NTM: variants seen among roughly 807,000 people sequenced by gnomAD.
NTM encodes IgLON family member 2.
In NTM, 13 loss-of-function variants were observed where a neutral mutation model predicts 42.1. That is an observed-to-expected ratio of 0.31 (90% CI 0.20 to 0.49). The LOEUF is 0.49. Among genes scored for constraint, NTM ranks in the 20% least tolerant of loss-of-function variants. The pLI is 0.99. For missense variants in NTM, 373 were observed against 452.8 expected (o/e 0.82, Z 1.60); for synonymous variants, 187 against 179.2 (o/e 1.04, Z -0.35).
intron 3 of NTM, among the ~76,000 whole-genome samples, chr11:132,189,682 C>A (rs376469829): frequency 6.6e-6 from 1 of 151,028 alleles, no homozygotes; most frequent in Non-Finnish European, 1.5e-5. Flanking sequence ...ACACACGATA[C>A]TTGAGTGCCT....
At chr11:132,325,780 A>G (rs147411190) in intron 7 of NTM, among the ~76,000 whole-genome samples, 1,743 of 152,338 alleles carry the variant, frequency 0.011, 30 homozygotes, top group African/African-American at 0.039. Context: ...ATTTCCAACA[A>G]CAATAGACTG....
At chr11:132,112,262 G>A (rs529118440) in intron 2 of NTM, among the ~76,000 whole-genome samples, 18 of 152,208 alleles carry the variant, frequency 1.2e-4, no homozygotes, top group African/African-American at 4.3e-4. Context: ...CCACTATAAG[G>A]CATTGAATGG....
intron 1 of NTM, among the ~76,000 whole-genome samples, chr11:131,439,608 G>T (rs1425359960): frequency 6.6e-6 from 1 of 152,350 alleles, no homozygotes; most frequent in Admixed American, 6.5e-5. Context: ...CATGGGACCG[G>T]CCTAGTCATG....
At chr11:131,983,907 A>T (rs756470508) in intron 2 of NTM, among the ~76,000 whole-genome samples, 1 of 152,230 alleles carries the variant, frequency 6.6e-6, no homozygotes, top group Non-Finnish European at 1.5e-5. Flanking sequence ...AGAGGACAGA[A>T]TATAGAAGAA....
intron 2 of NTM, among the ~76,000 whole-genome samples, chr11:131,930,776 A>C (rs944282459): frequency 1.3e-5 from 2 of 152,212 alleles, no homozygotes; most frequent in Non-Finnish European, 2.9e-5. Context: ...CTTCCCTCCA[A>C]ATAGAAAGAA....
intron 4 of NTM, among the ~76,000 whole-genome samples, chr11:132,275,751 TA>T (rs1203726465): frequency 3.8e-5 from 1 of 26,582 alleles, no homozygotes; most frequent in Non-Finnish European, 6.7e-5. Flanking sequence ...TATATATGTG[TA>T]TATATATATA....
rs1008778526 is a variant in NTM, at chr11:131,672,356, C to G, written c.83-239208C>G. On this transcript the variant is annotated intron_variant, in intron 1 of 8. Coordinates refer to ENST00000683400, the MANE Select transcript of NTM (RefSeq NM_001352005.2). ...GCGGCGACTTGAGCAAATGAGCCTC[C>G]TTTGAAGGCACCGCACCCCCACCGA... is the stretch of plus-strand genomic sequence containing the variant. Among the ~76,000 whole-genome samples, 3 of 152,328 alleles carry G rather than the reference C, an allele frequency of 2.0e-5. No homozygotes were observed. The East Asian group carries it at 5.8e-4, about 29-fold the overall frequency.
At chr11:132,265,738 C>T (rs919517212) in intron 4 of NTM, among the ~76,000 whole-genome samples, 1 of 152,192 alleles carries the variant, frequency 6.6e-6, no homozygotes, top group Non-Finnish European at 1.5e-5. Flanking sequence ...GTGCATCAGG[C>T]ACTATTTCAA....
chr11:131,434,040 A>G (rs1227751582), intron 1 of NTM, among the ~76,000 whole-genome samples: 1 of 152,132 alleles, frequency 6.6e-6, no homozygotes, highest in Admixed American at 6.5e-5. Flanking sequence ...GAGTGAGAAC[A>G]TGCGGTGTTT....
chr11:131,973,179 C>G (rs2063804516), intron 2 of NTM, among the ~76,000 whole-genome samples: 1 of 152,158 alleles, frequency 6.6e-6, no homozygotes, highest in African/African-American at 2.4e-5. Flanking sequence ...TGACTGCGCA[C>G]AAGTGAAGTG....
intron 1 of NTM, among the ~76,000 whole-genome samples, chr11:131,841,740 C>A (rs530034622): frequency 6.6e-6 from 1 of 152,024 alleles, no homozygotes; most frequent in Non-Finnish European, 1.5e-5. Context: ...ATGACTTCCA[C>A]GAGGAAGAGC....
rs1376816792 is a variant in NTM, at chr11:131,633,658, T to TCTCTCTCC, written c.82+262782_82+262789dup. On this transcript the variant is annotated intron_variant, in intron 1 of 8. Transcript: ENST00000683400. ...CTGCCTCTCTCTCCCTCTCTCTCCC[T>TCTCTCTCC]CTCTCTCCCTCTCTCCCTCCCTCTC... is the stretch of plus-strand genomic sequence containing the variant. 3.6e-4 allele frequency among the ~76,000 whole-genome samples: 47 copies of TCTCTCTCC among 131,688 alleles called. No homozygotes were observed. In the East Asian group the frequency reaches 9.0e-3, roughly 25 times the overall value. 86.4% of individuals were successfully genotyped at this position (131,688 alleles called of 152,430 possible).
chr11:131,467,206 C>A (rs1951979983), intron 1 of NTM, among the ~76,000 whole-genome samples: 1 of 152,284 alleles, frequency 6.6e-6, no homozygotes, highest in African/African-American at 2.4e-5. Context: ...AAGGTGGGGA[C>A]AGATGGGCCA....
At chr11:131,479,030 T>G (rs998135293) in intron 1 of NTM, among the ~76,000 whole-genome samples, 1 of 152,228 alleles carries the variant, frequency 6.6e-6, no homozygotes, top group Non-Finnish European at 1.5e-5. Context: ...CACGCCACCT[T>G]GCAAAGCCAG....
intron 1 of NTM, among the ~76,000 whole-genome samples, chr11:131,866,956 G>C (rs1374999456): frequency 6.6e-6 from 1 of 152,186 alleles, no homozygotes; most frequent in Non-Finnish European, 1.5e-5. Context: ...TGGAATGACA[G>C]CAAGGACAGT....
intron 1 of NTM, among the ~76,000 whole-genome samples, chr11:131,533,509 C>T (rs1222357902): frequency 1.3e-5 from 2 of 152,204 alleles, no homozygotes; most frequent in Non-Finnish European, 2.9e-5. Flanking sequence ...AGCCCTGACT[C>T]AATCAGGAAA....
intron 2 of NTM, among the ~76,000 whole-genome samples, chr11:132,057,182 G>T (rs1307237683): frequency 3.9e-5 from 6 of 152,104 alleles, no homozygotes; most frequent in South Asian, 4.1e-4. Flanking sequence ...TGTGTGCTCA[G>T]CTGTAAAGGA....
intron 1 of NTM, among the ~76,000 whole-genome samples, chr11:131,900,412 A>G (rs1297140719): frequency 6.6e-6 from 1 of 152,240 alleles, no homozygotes; most frequent in Non-Finnish European, 1.5e-5. Context: ...GCCACCAAAG[A>G]TTTAATCAGG....
Position 131,657,934 on chromosome 11 carries a change from G to A in NTM, c.83-253630G>A, listed in dbSNP as rs181535699. Among the ~76,000 whole-genome samples, 1,151 of 152,300 alleles carry A rather than the reference G, an allele frequency of 7.6e-3. 7 individuals are homozygous for A. The highest frequency in any genetic ancestry group is 0.012 in the Non-Finnish European group (814 of 68,022). ...CAGGCAGCAAGCTGTTGAGTATGAG[G>A]GGAAGAGTGAGATGTGAGTGACACA... On this transcript the variant is annotated intron_variant, in intron 1 of 8. Coordinates refer to ENST00000683400, the MANE Select transcript of NTM (RefSeq NM_001352005.2).
Sources: gnomAD v4.1 joint callset for allele counts (sites outside exome capture counted in the v4.1 genomes callset) on GRCh38, gnomAD v4.1.1 for gene constraint, MANE v1.5 for transcripts, NCBI Gene and HGNC (gene_info 2026-07-23, HGNC 2026-07-21) for gene names.